The following KDR variants were observed in gnomAD, a reference collection of about 807,000 sequenced individuals.
KDR encodes vascular endothelial growth factor receptor 2.
Under a neutral mutation model 160.9 loss-of-function variants are expected in KDR, and 43 were observed. That is an observed-to-expected ratio of 0.27 (90% CI 0.21 to 0.34). The LOEUF (loss-of-function observed/expected upper bound fraction) is 0.34. Among genes scored for constraint, KDR ranks in the 10% least tolerant of loss-of-function variants. The pLI is 1.00. For missense variants in KDR, 1,469 were observed against 1,666.4 expected (o/e 0.88, Z 2.06); for synonymous variants, 617 against 600.1 (o/e 1.03, Z -0.41).
intron 15 of KDR, among the ~76,000 whole-genome samples, chr4:55,100,498 T>C (rs1268348947): frequency 6.6e-6 from 1 of 152,168 alleles, no homozygotes; most frequent in African/African-American, 2.4e-5. Flanking sequence ...ATAATCTCTG[T>C]GCCAGTGTTA....
chr4:55,124,614 T>TCC (rs557704643), intron 1 of KDR, among the ~76,000 whole-genome samples: 1 of 151,560 alleles, frequency 6.6e-6, no homozygotes, highest in Non-Finnish European at 1.5e-5. Flanking sequence ...AAGTCCCTAT[T>TCC]CCCCCCCTTC....
intron 12 of KDR, 150 bp downstream of exon 12, chr4:55,105,682 A>G (rs1720429969): frequency 1.3e-6 from 1 of 751,688 alleles, no homozygotes; most frequent in Admixed American, 1.7e-5. Context: ...AGAAGTTGTA[A>G]TTTATGAATG....
chr4:55,107,811 C>T lies in KDR; in HGVS notation c.1338G>A (p.Thr446=), dbSNP rs139324427. 3.1e-6 allele frequency: 5 copies of T among 1,613,844 alleles called. No individual in the cohort carries two copies. The highest frequency in any genetic ancestry group is 4.5e-5 in the East Asian group (2 of 44,856). Residue 446 remains threonine, a synonymous_variant, in exon 10 of 30, where the codon ACG becomes ACA. Coordinates refer to ENST00000263923, the MANE Select transcript of KDR (RefSeq NM_002253.4). The stretch of plus-strand genomic sequence containing the variant: ...GATGCGGGGGAGGAATGGCATAGAC[C>T]GTACATGTCAGCGTTTGAGTGGTGC... The part of the protein sequence containing the change: ...QYGTTQTLTC[T]VYAIPPPHHI...
rs531312125 is a variant in KDR at position 55,095,427 on chromosome 4, G to A, written c.2817+150C>T. On this transcript the variant is annotated intron_variant, in intron 20 of 29. Transcript: ENST00000263923. Reference sequence around the variant, plus strand: ...AACAGAAACATATGGCCCCCAGAAGGTAAAAGAGGAAGTTACAACAGCCAA... The same window carrying A: ...AACAGAAACATATGGCCCCCAGAAGATAAAAGAGGAAGTTACAACAGCCAA... The A allele has an allele frequency of 3.4e-5, 23 of 678,516 alleles. No individual in the cohort carries two copies. The East Asian group carries it at 5.7e-4, about 17-fold the overall frequency. The allele number at this position is 678,516 out of a possible 1,614,324, so 42.0% of individuals were successfully genotyped here. A position where few individuals can be genotyped will look rare whatever the true frequency, so the allele number is the denominator to read the frequency against.
At chr4:55,083,535 T>C (rs1352531958) in intron 27 of KDR, among the ~76,000 whole-genome samples, 1 of 152,052 alleles carries the variant, frequency 6.6e-6, no homozygotes, top group Non-Finnish European at 1.5e-5. Flanking sequence ...GAACAACAGA[T>C]CCTCTCCTTC....
rs1721001389 is a variant in KDR at position 55,125,238 on chromosome 4, G to T, written c.56C>A (p.Ala19Asp). 6.2e-7 allele frequency: 1 copy of T among 1,612,692 alleles called. No individual in the cohort carries two copies. Among genetic ancestry groups the T allele is most frequent in the African/African-American group, 1.3e-5 (1 of 75,040 alleles). ...AGTGGGCTCCTTACCCACAGAGGCG[G>T]CCCGGGTCTCCACGCAGAGCCACAG... ...VALWLCVETR[A>D]ASVGLPSVSL... The change falls in exon 1 of 30, where the codon GCC (alanine) becomes GAC (aspartate). Residue 19 changes from alanine (A) to aspartate (D), a missense_variant. Ala to Asp is a moderately radical substitution (Grantham distance 126, BLOSUM62 -2). This residue lies in a region of KDR where 792 missense variants were observed against 840.9 expected (regional missense o/e 0.94). Coordinates refer to ENST00000263923, the MANE Select transcript of KDR (RefSeq NM_002253.4).
chr4:55,112,278 C>T (rs1346325590), intron 7 of KDR, among the ~76,000 whole-genome samples: 2 of 152,056 alleles, frequency 1.3e-5, no homozygotes, highest in Non-Finnish European at 2.9e-5. Flanking sequence ...GCCTACTCAA[C>T]GTGAAGACAA....
intron 11 of KDR, 79 bp from the exon 12 acceptor site, chr4:55,106,019 C>T (rs1720438388): frequency 2.3e-6 from 2 of 877,774 alleles, no homozygotes; most frequent in Non-Finnish European, 3.9e-6. Context: ...GCAGTCTCCA[C>T]AATCACTCCA....
At chr4:55,084,483 C>T (rs1323790666) in intron 27 of KDR, among the ~76,000 whole-genome samples, 1 of 152,122 alleles carries the variant, frequency 6.6e-6, no homozygotes, top group Admixed American at 6.5e-5. Context: ...ATTCTTAATC[C>T]AGTAATTTTT....
intron 28 of KDR, 95 bp downstream of exon 28, chr4:55,082,441 A>T: frequency 1.1e-6 from 1 of 938,450 alleles, no homozygotes. Flanking sequence ...CCTTCTAATG[A>T]GGCTCCAAAA....
At chr4:55,120,446 A>G (rs1720842181) in intron 2 of KDR, among the ~76,000 whole-genome samples, 1 of 152,168 alleles carries the variant, frequency 6.6e-6, no homozygotes, top group Non-Finnish European at 1.5e-5. Flanking sequence ...TCTTCTTGAC[A>G]AAGAAGTCTA....
intron 29 of KDR, among the ~76,000 whole-genome samples, 181 bp from the exon 30 acceptor site, chr4:55,080,344 C>A (rs1383254639): frequency 6.6e-6 from 1 of 152,174 alleles, no homozygotes; most frequent in African/African-American, 2.4e-5. Flanking sequence ...TTCAGGTACT[C>A]GCATGAATTA....
rs1226438515 is a variant in KDR at position 55,098,343 on chromosome 4, C to G, written c.2374-71G>C. On this transcript the variant is annotated intron_variant, in intron 16 of 29. Coordinates refer to ENST00000263923, the MANE Select transcript of KDR (RefSeq NM_002253.4). ...CTGTTGTTTTGTGTGCTTGTTATTG[C>G]TGTTTATTGGAGCCTCATTCCTGTC... 4 of 1,558,018 alleles carry G rather than the reference C, an allele frequency of 2.6e-6. No homozygotes were observed. The African/African-American group carries it at 4.1e-5, about 16-fold the overall frequency.
intron 15 of KDR, among the ~76,000 whole-genome samples, chr4:55,099,700 C>CA (rs1720261637): frequency 6.6e-6 from 1 of 152,148 alleles, no homozygotes; most frequent in Non-Finnish European, 1.5e-5. Context: ...TTAATCTCCT[C>CA]AACAACTCTC....
intron 21 of KDR, 37 bp downstream of exon 21, chr4:55,094,765 G>A (rs763494482): frequency 3.8e-6 from 6 of 1,582,560 alleles, no homozygotes; most frequent in Non-Finnish European, 4.3e-6. Flanking sequence ...GCTCTGACAA[G>A]AGCATGCCAT....
At chr4:55,113,207 T>G in intron 7 of KDR, 97 bp downstream of exon 7, 1 of 1,325,880 alleles carries the variant, frequency 7.5e-7, no homozygotes, top group Non-Finnish European at 1.1e-6. Context: ...AGAAACTATC[T>G]TCTGAATGAA....
chr4:55,082,425 G>A (rs1346908928), intron 28 of KDR, 111 bp downstream of exon 28: 14 of 808,450 alleles, frequency 1.7e-5, no homozygotes, highest in Non-Finnish European at 3.0e-5. Flanking sequence ...ACACACTCGA[G>A]GGCAGCCTTC....
At chr4:55,096,478 T>C (rs897693037) in intron 18 of KDR, 136 bp from the exon 19 acceptor site, 1 of 656,076 alleles carries the variant, frequency 1.5e-6, no homozygotes, top group Non-Finnish European at 2.8e-6. Flanking sequence ...ACAGACCACA[T>C]GCATTTCCTC....
chr4:55,080,282 A>G, intron 29 of KDR, 119 bp from the exon 30 acceptor site: 2 of 824,662 alleles, frequency 2.4e-6, no homozygotes, highest in Admixed American at 2.0e-5. Context: ...GCAGCCCCGT[A>G]TCTCTCCCAG....
Sources: gnomAD v4.1 joint callset for allele counts (sites outside exome capture counted in the v4.1 genomes callset) on GRCh38, gnomAD v4.1.1 for gene constraint, gnomAD v4.1.1 regional missense constraint, MANE v1.5 for transcripts, NCBI Gene and HGNC (gene_info 2026-07-23, HGNC 2026-07-21) for gene names.